Variants in SPOCK3 observed in about 807,000 individuals in gnomAD.
The protein encoded by SPOCK3 is SPARC (osteonectin), cwcv and kazal like domains proteoglycan 3.
SPOCK3 carries 30 observed loss-of-function variants against 56.6 expected under a neutral mutation model. The observed-to-expected ratio is 0.53, with a 90% CI of 0.40 to 0.72. SPOCK3 has a LOEUF of 0.72. Ranked by LOEUF, SPOCK3 falls within the 30% of genes least tolerant of loss-of-function variation. SPOCK3 has a pLI of 0.00. For synonymous variants in SPOCK3, 196 were observed against 183.3 expected (o/e 1.07, Z -0.56); for missense variants, 527 against 530.0 (o/e 0.99, Z 0.06).
chr4:167,007,151 CATT>C (rs759755318), intron 3 of SPOCK3, among the ~76,000 whole-genome samples: 53 of 152,142 alleles, frequency 3.5e-4, no homozygotes, highest in Non-Finnish European at 6.0e-4. Flanking sequence ...CTCAAGGAAA[CATT>C]AATACCCTGG....
intron 3 of SPOCK3, among the ~76,000 whole-genome samples, chr4:167,004,156 C>T (rs1008421891): frequency 6.6e-6 from 1 of 152,122 alleles, no homozygotes; most frequent in African/African-American, 2.4e-5. Context: ...AATTAGAATA[C>T]ATTGTTAAGT....
chr4:167,056,209 T>G (rs187316777), intron 3 of SPOCK3, among the ~76,000 whole-genome samples: 1 of 152,330 alleles, frequency 6.6e-6, no homozygotes, highest in Non-Finnish European at 1.5e-5. Flanking sequence ...GGAGTGGACC[T>G]CTAGCAAACT....
intron 6 of SPOCK3, among the ~76,000 whole-genome samples, chr4:166,886,954 G>A (rs1330474501): frequency 4.6e-5 from 7 of 152,102 alleles, no homozygotes; most frequent in Non-Finnish European, 5.9e-5. Flanking sequence ...CTGTACTTGC[G>A]TTGCCCTGAC....
chr4:166,930,735 A>G (rs1739652177), intron 4 of SPOCK3, among the ~76,000 whole-genome samples: 1 of 152,226 alleles, frequency 6.6e-6, no homozygotes, highest in Admixed American at 6.5e-5. Context: ...GTTAGCATGC[A>G]TTATCCTATA....
rs533630078 is a variant in SPOCK3, at chr4:166,802,508, T to A, written c.590-10219A>T. On this transcript the variant is annotated intron_variant, in intron 6 of 10. Transcript: ENST00000357545. Reference sequence around the variant, plus strand: ...GCCCCCTTCCTAGACGGCATTTTTTTATTGTTATGTTTTCACATGGCAGAA... The same window carrying A: ...GCCCCCTTCCTAGACGGCATTTTTTAATTGTTATGTTTTCACATGGCAGAA... Among the ~76,000 whole-genome samples the A allele has an allele frequency of 2.0e-3, 305 of 152,278 alleles. 1 individual carries two copies. The highest frequency in any genetic ancestry group is 3.4e-3 in the Non-Finnish European group (233 of 68,022).
chr4:166,771,404 T>G (rs917086361), intron 7 of SPOCK3, among the ~76,000 whole-genome samples: 5 of 152,146 alleles, frequency 3.3e-5, no homozygotes, highest in Admixed American at 2.0e-4. Context: ...TAGATTATCT[T>G]GAAGAATCCC....
At chr4:166,966,599 C>A (rs11932011) in intron 4 of SPOCK3, among the ~76,000 whole-genome samples, 2 of 151,968 alleles carry the variant, frequency 1.3e-5, no homozygotes, top group Non-Finnish European at 2.9e-5. Context: ...TATTTTATAC[C>A]GCAGTTTCTG....
At chr4:167,092,510 G>C (rs1420799989) in intron 2 of SPOCK3, among the ~76,000 whole-genome samples, 1 of 152,158 alleles carries the variant, frequency 6.6e-6, no homozygotes, top group African/African-American at 2.4e-5. Context: ...GAAACTTGCA[G>C]TGATTTGCTT....
intron 2 of SPOCK3, among the ~76,000 whole-genome samples, chr4:167,142,818 T>C (rs1763644047): frequency 6.6e-6 from 1 of 152,030 alleles, no homozygotes; most frequent in South Asian, 2.1e-4. Flanking sequence ...TATACTAATA[T>C]AAATTCTTTT....
intron 6 of SPOCK3, among the ~76,000 whole-genome samples, chr4:166,839,461 A>C (rs1383470319): frequency 6.6e-6 from 1 of 152,126 alleles, no homozygotes; most frequent in Non-Finnish European, 1.5e-5. Flanking sequence ...GTAGTTAGAT[A>C]GACATTAGCA....
At chr4:166,834,313 T>C (rs1331128753) in intron 6 of SPOCK3, among the ~76,000 whole-genome samples, 1 of 152,240 alleles carries the variant, frequency 6.6e-6, no homozygotes. Flanking sequence ...TGATCGCTCA[T>C]AGGTAGCCAC....
At chr4:166,943,798 T>C (rs766243117) in intron 4 of SPOCK3, among the ~76,000 whole-genome samples, 14 of 152,204 alleles carry the variant, frequency 9.2e-5, no homozygotes, top group Non-Finnish European at 1.5e-4. Context: ...TCCACATGTA[T>C]ACATACTTTA....
intron 4 of SPOCK3, among the ~76,000 whole-genome samples, chr4:166,952,186 A>C (rs1742732635): frequency 6.6e-6 from 1 of 152,176 alleles, no homozygotes; most frequent in African/African-American, 2.4e-5. Context: ...AGAAATCCCC[A>C]TTGTCTCAGC....
intron 4 of SPOCK3, among the ~76,000 whole-genome samples, chr4:166,973,776 T>A (rs1022903899): frequency 3.3e-5 from 5 of 152,056 alleles, no homozygotes; most frequent in African/African-American, 1.2e-4. Flanking sequence ...AAAAGATAGA[T>A]CCAAGACTGA....
chr4:166,772,014 A>G (rs1458755661), intron 7 of SPOCK3, among the ~76,000 whole-genome samples: 1 of 152,110 alleles, frequency 6.6e-6, no homozygotes, highest in East Asian at 1.9e-4. Flanking sequence ...GCCTCTAAAT[A>G]AATTCCATAA....
intron 4 of SPOCK3, among the ~76,000 whole-genome samples, chr4:166,919,276 G>C (rs745670731): frequency 6.6e-6 from 1 of 152,136 alleles, no homozygotes; most frequent in Non-Finnish European, 1.5e-5. Context: ...TTTACAGAGC[G>C]TTTAAATTAA....
chr4:166,950,383 T>A (rs962308375), intron 4 of SPOCK3, among the ~76,000 whole-genome samples: 1 of 151,240 alleles, frequency 6.6e-6, no homozygotes, highest in Non-Finnish European at 1.5e-5. Context: ...CAAGAAGAGC[T>A]AACTATCCTA....
At chr4:167,077,770 T>C (rs939470048) in intron 2 of SPOCK3, among the ~76,000 whole-genome samples, 30 of 151,918 alleles carry the variant, frequency 2.0e-4, no homozygotes, top group Admixed American at 2.0e-4. Flanking sequence ...ACCATTGTAA[T>C]GTATTTTGTA....
intron 2 of SPOCK3, among the ~76,000 whole-genome samples, chr4:167,082,124 A>G (rs1374315079): frequency 6.6e-6 from 1 of 152,152 alleles, no homozygotes; most frequent in Non-Finnish European, 1.5e-5. Flanking sequence ...AAGAGTTTGA[A>G]GCACATGTGT....
Sources: gnomAD v4.1 joint callset for allele counts (sites outside exome capture counted in the v4.1 genomes callset) on GRCh38, gnomAD v4.1.1 for gene constraint, MANE v1.5 for transcripts, NCBI Gene and HGNC (gene_info 2026-07-23, HGNC 2026-07-21) for gene names.